SUCO: variants seen among roughly 807,000 people sequenced by gnomAD.
The protein encoded by SUCO is SUN domain-containing ossification factor.
In SUCO, 57 loss-of-function variants were observed where a neutral mutation model predicts 148.1. The ratio of observed to expected loss-of-function variants is 0.38; its 90% CI spans 0.31 to 0.48. The LOEUF (loss-of-function observed/expected upper bound fraction) is 0.48. Ranked by LOEUF, SUCO falls within the 20% of genes least tolerant of loss-of-function variation. The probability of loss-of-function intolerance (pLI) is 0.96; values close to 1 mark genes in which losing one functional copy is unlikely to be tolerated. For missense variants in SUCO, 1,331 were observed against 1,468.2 expected (o/e 0.91, Z 1.53); for synonymous variants, 470 against 502.7 (o/e 0.93, Z 0.87).
chr1:172,568,913 T>G, intron 6 of SUCO, 106 bp from the exon 7 acceptor site: 1 of 1,088,088 alleles, frequency 9.2e-7, no homozygotes, highest in Non-Finnish European at 1.3e-6. Context: ...TAATCATTCA[T>G]TATAAATTGG....
rs116626243 is a variant in SUCO, at chr1:172,610,075, A to C, written c.3581A>C (p.Lys1194Thr). ...AGTCTGTGCAATGGACAGTCTCAAAAGACAAAAACTGAGAAGAGGGCTTTA... is the reference window on the plus strand; with the variant it reads ...AGTCTGTGCAATGGACAGTCTCAAACGACAAAAACTGAGAAGAGGGCTTTA... Reference protein sequence around the residue: ...CTSLCNGQSQKTKTEKRALKR... With the variant: ...CTSLCNGQSQTTKTEKRALKR... The change falls in exon 24 of 24, where the codon AAG (lysine) becomes ACG (threonine). Residue 1194 changes from lysine (K) to threonine (T), a missense_variant. By Grantham distance (78) the Lys-to-Thr change is moderately conservative. Around this residue, in one of 3 missense-constraint regions of SUCO, gnomAD observed 334 missense variants for 352.3 expected, o/e 0.95. Coordinates refer to ENST00000263688, the MANE Select transcript of SUCO (RefSeq NM_014283.5). 8.7e-6 allele frequency: 14 copies of C among 1,613,918 alleles called. No homozygotes were observed. In the East Asian group the frequency reaches 3.1e-4, roughly 36 times the overall value.
intron 2 of SUCO, chr1:172,552,243 G>A (rs1288374722): frequency 6.6e-6 from 1 of 151,842 alleles, no homozygotes; most frequent in Non-Finnish European, 1.5e-5. Context: ...TATTTCTTGT[G>A]AAAACGTTTG....
At chr1:172,575,391 T>C (rs1054825534) in intron 10 of SUCO, 127 bp from the exon 11 acceptor site, 8 of 593,318 alleles carry the variant, frequency 1.3e-5, no homozygotes, top group Non-Finnish European at 2.4e-5. Flanking sequence ...TATGTATTTA[T>C]GTATTAAACT....
At position 172,598,269 on chromosome 1, in the gene SUCO, G is replaced by A. The variant is rs1003623584; in HGVS notation, c.2914-1795G>A. Among the ~76,000 whole-genome samples the A allele has an allele frequency of 2.0e-5, 3 of 152,012 alleles. No individual in the cohort carries two copies. The South Asian group carries it at 6.2e-4, about 32-fold the overall frequency. On this transcript the variant is annotated intron_variant, in intron 19 of 23. Coordinates refer to ENST00000263688, the MANE Select transcript of SUCO (RefSeq NM_014283.5). ...AAAATCAGTTAACCATATATATGTG[G>A]GTCTGTTTCTGGGCTTTTGTTCTAT...
At chr1:172,578,958 G>A (rs1002792351) in intron 14 of SUCO, among the ~76,000 whole-genome samples, 2 of 151,940 alleles carry the variant, frequency 1.3e-5, no homozygotes, top group Non-Finnish European at 2.9e-5. Flanking sequence ...GAATAAAAAC[G>A]TCTTATAAAT....
intron 15 of SUCO, among the ~76,000 whole-genome samples, chr1:172,584,126 G>A (rs1436225250): frequency 6.6e-6 from 1 of 152,118 alleles, no homozygotes; most frequent in African/African-American, 2.4e-5. Flanking sequence ...TTTTTTAAAA[G>A]TCATCAAAGA....
chr1:172,534,413 T>C (rs1179709737), intron 1 of SUCO, among the ~76,000 whole-genome samples: 2 of 152,222 alleles, frequency 1.3e-5, no homozygotes, highest in Non-Finnish European at 2.9e-5. Context: ...AAAATAGAAA[T>C]TAAGTTTCCT....
chr1:172,578,490 T>G, intron 14 of SUCO, 101 bp downstream of exon 14: 3 of 1,405,274 alleles, frequency 2.1e-6, no homozygotes, highest in Non-Finnish European at 2.8e-6. Flanking sequence ...AATATGACTG[T>G]TGTCTTCAGG....
chr1:172,609,297 G>A, intron 23 of SUCO: 1 of 984,012 alleles, frequency 1.0e-6, no homozygotes, highest in Non-Finnish European at 1.2e-6. Context: ...TTTTCATTTT[G>A]CCTTTCAAAT....
In SUCO at chr1:172,566,676, A is replaced by T. The variant is rs531308516; in HGVS notation, c.733-2343A>T. 5.3e-5 allele frequency among the ~76,000 whole-genome samples: 8 copies of T among 152,298 alleles called. No homozygotes were observed. The East Asian group carries it at 1.5e-3, about 29-fold the overall frequency. On this transcript the variant is annotated intron_variant, in intron 6 of 23. Transcript: ENST00000263688. ...TCATACCCACTTTTAATTATATGCA[A>T]ATTAAGGGGTGGTTTACGCAGAAAT...
At chr1:172,554,987 T>C (rs1347721495) in intron 3 of SUCO, among the ~76,000 whole-genome samples, 1 of 152,154 alleles carries the variant, frequency 6.6e-6, no homozygotes, top group Non-Finnish European at 1.5e-5. Context: ...TGGCCCTCCT[T>C]TTCTTTAATG....
In SUCO at chr1:172,589,586, A is replaced by G; in HGVS notation, c.2485A>G (p.Asn829Asp). 6.2e-7 allele frequency: 1 copy of G among 1,613,842 alleles called. No homozygotes were observed. The highest frequency in any genetic ancestry group is 8.5e-7 in the Non-Finnish European group (1 of 1,179,880). ...GTCTGAAACAATAGTGCCACCAATA[A>G]ATACAGCCACTGTACCCGACAATGA... Reference protein sequence around the residue: ...KLSETIVPPINTATVPDNEDG... With the variant: ...KLSETIVPPIDTATVPDNEDG... The change falls in exon 18 of 24, where the codon AAT becomes GAT. Residue 829 changes from asparagine (N) to aspartate (D), a missense_variant. Physicochemically the swap from Asn to Asp is conservative, Grantham distance 23. This residue lies in a region of SUCO where 992 missense variants were observed against 1,093.5 expected (regional missense o/e 0.91). Transcript: ENST00000263688.
intron 9 of SUCO, among the ~76,000 whole-genome samples, chr1:172,573,205 G>A (rs1403080072): frequency 6.6e-6 from 1 of 152,058 alleles, no homozygotes; most frequent in Non-Finnish European, 1.5e-5. Flanking sequence ...ATACCTCTTT[G>A]TAATTTCTCT....
At chr1:172,596,097 C>T (rs865810663) in intron 19 of SUCO, among the ~76,000 whole-genome samples, 5 of 152,156 alleles carry the variant, frequency 3.3e-5, no homozygotes, top group African/African-American at 1.2e-4. Flanking sequence ...GCATGAGTCA[C>T]GTAGTTCTCG....
intron 15 of SUCO, 137 bp from the exon 16 acceptor site, chr1:172,584,881 T>C: frequency 5.7e-6 from 3 of 528,498 alleles, no homozygotes; most frequent in South Asian, 3.3e-5. Context: ...TATTGGACTT[T>C]AGTTGTGAGG....
At chr1:172,559,600 T>C (rs1653992514) in intron 6 of SUCO, among the ~76,000 whole-genome samples, 1 of 152,184 alleles carries the variant, frequency 6.6e-6, no homozygotes, top group Non-Finnish European at 1.5e-5. Context: ...CCCATAAGCA[T>C]TGTGCCCAGA....
intron 1 of SUCO, among the ~76,000 whole-genome samples, chr1:172,549,842 A>G (rs1653147136): frequency 6.6e-6 from 1 of 151,756 alleles, no homozygotes; most frequent in Non-Finnish European, 1.5e-5. Context: ...GGTTGCCACA[A>G]CAAGAAAAAC....
At chr1:172,604,057 T>C (rs1248067826) in intron 22 of SUCO, among the ~76,000 whole-genome samples, 1 of 151,950 alleles carries the variant, frequency 6.6e-6, no homozygotes, top group African/African-American at 2.4e-5. Flanking sequence ...CCACACTGTT[T>C]TATGAATTTG....
At chr1:172,570,614 T>C (rs1409547005) in intron 8 of SUCO, 49 bp from the exon 9 acceptor site, 1 of 1,241,826 alleles carries the variant, frequency 8.1e-7, no homozygotes, top group South Asian at 1.3e-5. Flanking sequence ...ATAAATACTT[T>C]CTTCATTATT....
Sources: gnomAD v4.1 joint callset for allele counts (sites outside exome capture counted in the v4.1 genomes callset) on GRCh38, gnomAD v4.1.1 for gene constraint, gnomAD v4.1.1 regional missense constraint, MANE v1.5 for transcripts, NCBI Gene and HGNC (gene_info 2026-07-23, HGNC 2026-07-21) for gene names.